The following GML variants were observed in gnomAD, a reference collection of about 807,000 sequenced individuals.
GML encodes the protein glycosyl-phosphatidylinositol-anchored molecule-like protein.
Under a neutral mutation model 8.2 loss-of-function variants are expected in GML, and 5 were observed. The ratio of observed to expected loss-of-function variants is 0.61; its 90% CI spans 0.32 to 1.28. The LOEUF is 1.28. GML is among the 50% of genes most tolerant of loss of function. GML has a pLI of 0.06. For missense variants in GML, 191 were observed against 198.3 expected (o/e 0.96, Z 0.22); for synonymous variants, 72 against 69.0 (o/e 1.04, Z -0.22).
At chr8:142,846,112 A>G (rs1816500790) in intron 3 of GML, among the ~76,000 whole-genome samples, 1 of 152,244 alleles carries the variant, frequency 6.6e-6, no homozygotes, top group Non-Finnish European at 1.5e-5. Context: ...GCGTGTAGCT[A>G]CATGACAAGG....
intron 1 of GML, among the ~76,000 whole-genome samples, chr8:142,836,539 G>A (rs992739426): frequency 3.9e-5 from 6 of 152,176 alleles, no homozygotes; most frequent in African/African-American, 1.4e-4. Context: ...TGAGTGAACT[G>A]TGGGTTTATT....
At chr8:142,838,554 AC>A (rs912447321) in intron 1 of GML, among the ~76,000 whole-genome samples, 5 of 151,946 alleles carry the variant, frequency 3.3e-5, no homozygotes, top group African/African-American at 1.2e-4. Context: ...CTAACTCCAG[AC>A]TGACTGTTGA....
In GML at chr8:142,846,649, C is replaced by A. The variant is rs1563860553; in HGVS notation, c.436C>A (p.Leu146Met). ...TVRLGVSKLLLSFASIIVSNI... is the reference protein window; with the variant it reads ...TVRLGVSKLLMSFASIIVSNI... ...GAGGCTGGGGGTATCAAAACTGTTG[C>A]TGAGTTTTGCCTCTATCATAGTCAG... The change falls in exon 4 of 4, where the codon CTG becomes ATG. Residue 146 changes from leucine (L) to methionine (M), a missense_variant. Physicochemically the swap from Leu to Met is conservative, Grantham distance 15. Coordinates refer to ENST00000220940, the MANE Select transcript of GML (RefSeq NM_002066.3). The A allele has an allele frequency of 6.2e-7, 1 of 1,614,000 alleles. No individual in the cohort carries two copies. The highest frequency in any genetic ancestry group is 1.7e-5 in the Admixed American group (1 of 60,010).
chr8:142,842,632 A>G (rs574327160), intron 3 of GML, among the ~76,000 whole-genome samples: 15 of 152,332 alleles, frequency 9.8e-5, no homozygotes, highest in Non-Finnish European at 1.8e-4. Flanking sequence ...GTGGACTCCA[A>G]TCTGTCCTCC....
rs1816412340 is a variant in GML, at chr8:142,840,434, A to G, written c.-4A>G. 2 of 1,612,370 alleles carry G rather than the reference A, an allele frequency of 1.2e-6. No individual in the cohort carries two copies. The highest frequency in any genetic ancestry group is 2.2e-5 in the South Asian group (2 of 91,042). On this transcript the variant is annotated 5_prime_UTR_variant, in exon 2 of 4. Transcript: ENST00000220940. Reference sequence around the variant, plus strand: ...CCTTCAGGTCCAGGCTCCTGCGTGAAGTGATGCTCCTCTTTGCCTTACTCC... The same window carrying G: ...CCTTCAGGTCCAGGCTCCTGCGTGAGGTGATGCTCCTCTTTGCCTTACTCC...
chr8:142,841,692 C>T (rs1486596825), intron 3 of GML, among the ~76,000 whole-genome samples: 2 of 152,228 alleles, frequency 1.3e-5, no homozygotes, highest in African/African-American at 2.4e-5. Context: ...GGTCAGGGCA[C>T]AGCCTGCACT....
In GML at chr8:142,846,432, T is replaced by C; in HGVS notation, c.219T>C (p.Cys73=). Residue 73 remains cysteine (C), a synonymous_variant, in exon 4 of 4, where the codon TGT becomes TGC. Transcript: ENST00000220940. ...NSRELLVYKN[C]TNNCTFVYAA... is the part of the protein sequence containing the mutation. ...GTGAACTACTTGTTTATAAGAACTG[T>C]ACAAACAACTGCACATTTGTATATG... 1 of 1,612,654 alleles carries C rather than the reference T, an allele frequency of 6.2e-7. No individual in the cohort carries two copies. Among genetic ancestry groups the C allele is most frequent in the Non-Finnish European group, 8.5e-7 (1 of 1,178,658 alleles).
At chr8:142,835,426 G>A (rs911310092) in intron 1 of GML, among the ~76,000 whole-genome samples, 1 of 152,202 alleles carries the variant, frequency 6.6e-6, no homozygotes, top group East Asian at 1.9e-4. Context: ...GTCTCGGGCC[G>A]CAGCCTGTTC....
At position 142,846,829 on chromosome 8, in the gene GML, T is replaced by G; in HGVS notation, c.*139T>G. 1 of 627,274 alleles carries G rather than the reference T, an allele frequency of 1.6e-6. No homozygotes were observed. The highest frequency in any genetic ancestry group is 2.8e-6 in the Non-Finnish European group (1 of 361,890). 38.9% of individuals were successfully genotyped at this position (627,274 alleles called of 1,614,324 possible). The stretch of plus-strand genomic sequence containing the variant: ...TTTATGGTTTGTTGTAAGAGAAAAA[T>G]TAAAAAAATATTGTTTAGTGGAGAT... On this transcript the variant is annotated 3_prime_UTR_variant, in exon 4 of 4. Transcript: ENST00000220940.
chr8:142,838,125 G>A (rs1449970199), intron 1 of GML, among the ~76,000 whole-genome samples: 1 of 147,786 alleles, frequency 6.8e-6, no homozygotes, highest in African/African-American at 2.5e-5. Flanking sequence ...ATCTGTCCAA[G>A]GGCCTTTCAA....
Position 142,844,985 on chromosome 8 carries a change from G to A in GML, c.182-1410G>A, listed in dbSNP as rs79907119. ...ACCTTAAGGCAAATACAAGACAAGA[G>A]TATTCATTGCAGCACTATTTGGAGT... On this transcript the variant is annotated intron_variant, in intron 3 of 3. Transcript: ENST00000220940. Among the ~76,000 whole-genome samples the A allele has an allele frequency of 1.2e-3, 180 of 152,306 alleles. 1 individual carries two copies. Among genetic ancestry groups the A allele is most frequent in the African/African-American group, 4.2e-3 (174 of 41,554 alleles).
At chr8:142,840,332 C>T (rs1043687133) in intron 1 of GML, 84 bp from the exon 2 acceptor site, 3 of 822,812 alleles carry the variant, frequency 3.6e-6, no homozygotes, top group African/African-American at 1.7e-5. Flanking sequence ...CAGGGAGACT[C>T]ATGAGGCCGT....
chr8:142,837,299 C>CAAAAAA (rs61251350), intron 1 of GML, among the ~76,000 whole-genome samples: 1 of 148,444 alleles, frequency 6.7e-6, no homozygotes, highest in East Asian at 2.1e-4. Flanking sequence ...GACTCTGTTT[C>CAAAAAA]AAAAAAAGAA....
intron 3 of GML, among the ~76,000 whole-genome samples, chr8:142,844,553 A>T (rs376706929): frequency 2.0e-5 from 3 of 152,222 alleles, no homozygotes; most frequent in African/African-American, 4.8e-5. Context: ...CAAAACATGT[A>T]TTTACTAAAG....
chr8:142,840,742 C>G (rs1816418913), intron 2 of GML, among the ~76,000 whole-genome samples: 1 of 152,148 alleles, frequency 6.6e-6, no homozygotes, highest in Non-Finnish European at 1.5e-5. Flanking sequence ...TGATGTGGCC[C>G]TTCTCCATCA....
At chr8:142,836,106 A>G (rs1361585718) in intron 1 of GML, among the ~76,000 whole-genome samples, 1 of 152,196 alleles carries the variant, frequency 6.6e-6, no homozygotes, top group African/African-American at 2.4e-5. Flanking sequence ...TGTGCTCTGT[A>G]AGCTGTTCTA....
chr8:142,835,279 T>C (rs1168980826), intron 1 of GML, among the ~76,000 whole-genome samples: 1 of 151,354 alleles, frequency 6.6e-6, no homozygotes, highest in Non-Finnish European at 1.5e-5. Flanking sequence ...TCCGCTTCCC[T>C]GGGGCCCCCC....
intron 1 of GML, among the ~76,000 whole-genome samples, chr8:142,837,329 A>C (rs1443193748): frequency 6.6e-6 from 1 of 150,786 alleles, no homozygotes; most frequent in East Asian, 2.0e-4. Flanking sequence ...CTTTTTTATA[A>C]AGAAGAGAAA....
At chr8:142,843,619 C>A (rs1206990490) in intron 3 of GML, among the ~76,000 whole-genome samples, 5 of 152,154 alleles carry the variant, frequency 3.3e-5, no homozygotes, top group Admixed American at 6.5e-5. Context: ...TAACAAATAT[C>A]TTTAGGAAAG....
Sources: gnomAD v4.1 joint callset for allele counts (sites outside exome capture counted in the v4.1 genomes callset) on GRCh38, gnomAD v4.1.1 for gene constraint, MANE v1.5 for transcripts, NCBI Gene and HGNC (gene_info 2026-07-23, HGNC 2026-07-21) for gene names.